Variants in FSIP1 observed in about 807,000 individuals in gnomAD.
FSIP1 encodes fibrous sheath interacting protein 1, also known as fibrous sheath-interacting protein 1.
A neutral mutation model predicts 60.9 loss-of-function variants in FSIP1; 65 were observed. The observed-to-expected ratio is 1.07, with a 90% confidence interval of 0.87 to 1.31. The LOEUF is 1.31. Ranked by LOEUF, FSIP1 falls within the 40% of genes most tolerant of loss-of-function variation. FSIP1 has a pLI of 0.00. For missense variants in FSIP1, 675 were observed against 665.5 expected (o/e 1.01, Z -0.16); for synonymous variants, 209 against 221.2 (o/e 0.94, Z 0.49).
intron 6 of FSIP1, 93 bp from the exon 7 acceptor site, chr15:39,739,882 T>A: frequency 2.9e-6 from 2 of 701,174 alleles, no homozygotes; most frequent in Non-Finnish European, 4.4e-6. Flanking sequence ...ATATAAGAAC[T>A]AAAACACACA....
chr15:39,766,512 T>C (rs532268303), intron 3 of FSIP1, among the ~76,000 whole-genome samples: 3 of 152,366 alleles, frequency 2.0e-5, no homozygotes, highest in African/African-American at 7.2e-5. Context: ...ATTTTACAAA[T>C]TAGTAAACTG....
At chr15:39,660,638 A>G (rs76655266) in intron 10 of FSIP1, among the ~76,000 whole-genome samples, 1 of 152,380 alleles carries the variant, frequency 6.6e-6, no homozygotes, top group African/African-American at 2.4e-5. Context: ...GTTAAAACAA[A>G]AGATTATTTA....
chr15:39,774,901 C>T (rs751453702), intron 2 of FSIP1, among the ~76,000 whole-genome samples: 1 of 152,190 alleles, frequency 6.6e-6, no homozygotes, highest in Non-Finnish European at 1.5e-5. Flanking sequence ...GCTCTGGTGG[C>T]GTGACCTGAG....
chr15:39,780,389 G>T (rs905364556), intron 1 of FSIP1, among the ~76,000 whole-genome samples: 1 of 152,156 alleles, frequency 6.6e-6, no homozygotes, highest in Non-Finnish European at 1.5e-5. Flanking sequence ...GCCGGGAGTG[G>T]TGATGGGCGC....
intron 10 of FSIP1, among the ~76,000 whole-genome samples, chr15:39,697,116 C>T (rs1420072228): frequency 1.3e-5 from 2 of 152,070 alleles, no homozygotes; most frequent in Non-Finnish European, 2.9e-5. Flanking sequence ...ATCACATTTG[C>T]ATAGCCACTT....
chr15:39,712,373 G>A (rs755361577), intron 10 of FSIP1, among the ~76,000 whole-genome samples: 21 of 152,070 alleles, frequency 1.4e-4, no homozygotes, highest in Non-Finnish European at 2.8e-4. Context: ...ATGAGAGAAG[G>A]GAGTGACTGG....
chr15:39,625,604 G>A (rs1385010679), intron 10 of FSIP1, among the ~76,000 whole-genome samples: 1 of 152,186 alleles, frequency 6.6e-6, no homozygotes, highest in Non-Finnish European at 1.5e-5. Flanking sequence ...ACTTGGATCA[G>A]ATGCCCTTTG....
intron 11 of FSIP1, among the ~76,000 whole-genome samples, chr15:39,614,117 G>C (rs1891131296): frequency 6.6e-6 from 1 of 151,790 alleles, no homozygotes; most frequent in African/African-American, 2.4e-5. Flanking sequence ...CATCCTAATA[G>C]GAAATGAAGA....
intron 10 of FSIP1, among the ~76,000 whole-genome samples, chr15:39,701,659 T>A (rs1895063921): frequency 6.6e-6 from 1 of 152,254 alleles, no homozygotes; most frequent in Admixed American, 6.5e-5. Flanking sequence ...TCATTTCAAA[T>A]CTTTGTCATA....
chr15:39,617,906 A>G lies in FSIP1; in HGVS notation c.1528T>C (p.Ser510Pro). 1 of 1,614,188 alleles carries G rather than the reference A, an allele frequency of 6.2e-7. No individual in the cohort carries two copies. The highest frequency in any genetic ancestry group is 8.5e-7 in the Non-Finnish European group (1 of 1,180,024). ...GTGTCACTAATAATAACGTCCTTGG[A>G]AAATTGAAGGCATTTCATATTCTCT... Reference protein sequence around the residue: ...EAENMKCLQFSKDVIISDTKD... With the variant: ...EAENMKCLQFPKDVIISDTKD... The change falls in exon 11 of 12, where the codon TCC (serine) becomes CCC (proline). Residue 510 changes from serine (S) to proline (P), a missense_variant. Coordinates refer to ENST00000350221, the MANE Select transcript of FSIP1 (RefSeq NM_152597.5).
At chr15:39,645,880 G>A (rs1055900382) in intron 10 of FSIP1, among the ~76,000 whole-genome samples, 6 of 152,342 alleles carry the variant, frequency 3.9e-5, no homozygotes, top group East Asian at 1.9e-4. Flanking sequence ...GACAGAGTCC[G>A]GGGTGGAAGG....
chr15:39,768,635 G>C (rs1408843449), intron 3 of FSIP1, among the ~76,000 whole-genome samples: 2 of 152,110 alleles, frequency 1.3e-5, no homozygotes, highest in Non-Finnish European at 2.9e-5. Flanking sequence ...CTGTTGTTTT[G>C]GCTAAAGTAT....
chr15:39,637,982 T>C (rs982006069), intron 10 of FSIP1, among the ~76,000 whole-genome samples: 4 of 152,224 alleles, frequency 2.6e-5, no homozygotes, highest in Non-Finnish European at 5.9e-5. Flanking sequence ...GTTAGTGATA[T>C]TTTATAGTGA....
chr15:39,620,787 G>C (rs1157645297), intron 10 of FSIP1, among the ~76,000 whole-genome samples: 1 of 148,780 alleles, frequency 6.7e-6, no homozygotes, highest in Non-Finnish European at 1.5e-5. Flanking sequence ...TATATTTTTA[G>C]TGGAGACAGG....
At chr15:39,618,358 T>A in intron 10 of FSIP1, 113 bp from the exon 11 acceptor site, 2 of 769,326 alleles carry the variant, frequency 2.6e-6, no homozygotes, top group Non-Finnish European at 4.1e-6. Context: ...ACACAACACA[T>A]AAAAATAGAA....
chr15:39,604,157 C>T (rs1890740877), intron 11 of FSIP1, among the ~76,000 whole-genome samples: 1 of 152,216 alleles, frequency 6.6e-6, no homozygotes, highest in South Asian at 2.1e-4. Flanking sequence ...TCTCAAACTC[C>T]CAACCTCTGG....
intron 11 of FSIP1, among the ~76,000 whole-genome samples, chr15:39,605,617 G>C (rs1376614004): frequency 6.6e-6 from 1 of 152,222 alleles, no homozygotes; most frequent in Non-Finnish European, 1.5e-5. Context: ...AGAGGGCTAG[G>C]TGGGGGCTGT....
chr15:39,675,194 G>A (rs1893889797), intron 10 of FSIP1, among the ~76,000 whole-genome samples: 1 of 152,098 alleles, frequency 6.6e-6, no homozygotes, highest in Admixed American at 6.5e-5. Context: ...AAGAGAATAT[G>A]GATGAACCAG....
At chr15:39,687,609 T>C (rs1195573003) in intron 10 of FSIP1, among the ~76,000 whole-genome samples, 1 of 152,192 alleles carries the variant, frequency 6.6e-6, no homozygotes, top group African/African-American at 2.4e-5. Flanking sequence ...ATACCTCACA[T>C]TGTAACTCTC....
Sources: allele counts gnomAD v4.1 joint callset (sites outside exome capture counted in the v4.1 genomes callset), GRCh38; gene constraint gnomAD v4.1.1; transcripts MANE v1.5; gene names NCBI Gene and HGNC (gene_info 2026-07-23, HGNC 2026-07-21).